The following MED13 variants were observed in gnomAD, a reference collection of about 807,000 sequenced individuals.
The protein encoded by MED13 is mediator complex subunit 13.
MED13 carries 23 observed loss-of-function variants against 225.2 expected under a neutral mutation model. The observed-to-expected ratio is 0.10, with a 90% CI of 0.07 to 0.14. MED13 has a LOEUF of 0.14. MED13 is among the 10% of genes least tolerant of loss of function. MED13 has a pLI of 1.00. For synonymous variants in MED13, 942 were observed against 889.2 expected (o/e 1.06, Z -1.06); for missense variants, 2,197 against 2,594.5 (o/e 0.85, Z 3.33).
At chr17:61,996,802 GTCAC>G (rs1240937559) in intron 9 of MED13, among the ~76,000 whole-genome samples, 3 of 152,072 alleles carry the variant, frequency 2.0e-5, no homozygotes, top group Admixed American at 6.6e-5. Flanking sequence ...ATAGTTGACT[GTCAC>G]TCACACTAGA....
chr17:61,956,485 T>A lies in MED13; in HGVS notation c.5481-4A>T. ...AGAACTTTTTTTCCGACGAGCCCTA[T>A]TGTGTGAATAAAGAGAGTGTCATAA... On this transcript the variant is annotated splice_region_variant and splice_polypyrimidine_tract_variant and intron_variant, in intron 23 of 29. Transcript: ENST00000397786. 2 of 1,599,814 alleles carry A rather than the reference T, an allele frequency of 1.3e-6. No individual in the cohort carries two copies. Among genetic ancestry groups the A allele is most frequent in the Non-Finnish European group, 1.7e-6 (2 of 1,176,404 alleles).
At position 62,034,060 on chromosome 17, in the gene MED13, C is replaced by G. The variant is rs530706045; in HGVS notation, c.617-76G>C. 252 of 1,269,886 alleles carry G rather than the reference C, an allele frequency of 2.0e-4. 2 individuals are homozygous for G. In the South Asian group the frequency reaches 3.0e-3, roughly 15 times the overall value. The allele number at this position is 1,269,886 out of a possible 1,614,324, so 78.7% of individuals were successfully genotyped here. A position where few individuals can be genotyped will look rare whatever the true frequency, so the allele number is the denominator to read the frequency against. ...AATAAGAACACAGTGAAAAATGTGGCAAATAATCGTGCAATTATAAAAAAG... is the reference window on the plus strand; with the variant it reads ...AATAAGAACACAGTGAAAAATGTGGGAAATAATCGTGCAATTATAAAAAAG... On this transcript the variant is annotated intron_variant, in intron 4 of 29. Coordinates refer to ENST00000397786, the MANE Select transcript of MED13 (RefSeq NM_005121.3).
intron 2 of MED13, among the ~76,000 whole-genome samples, chr17:62,058,659 AAAGT>A (rs555381948): frequency 9.7e-4 from 148 of 152,346 alleles, no homozygotes; most frequent in African/African-American, 3.4e-3. Flanking sequence ...GATAAAGCAA[AAAGT>A]AAGAAAATCA....
At chr17:62,058,961 A>T (rs1490051568) in intron 2 of MED13, among the ~76,000 whole-genome samples, 1 of 152,252 alleles carries the variant, frequency 6.6e-6, no homozygotes, top group East Asian at 1.9e-4. Flanking sequence ...AAGGTAACCC[A>T]AACAAATGCT....
intron 19 of MED13, among the ~76,000 whole-genome samples, chr17:61,966,227 T>A (rs186762798): frequency 3.3e-4 from 50 of 152,320 alleles, no homozygotes; most frequent in African/African-American, 1.1e-3. Context: ...GGATCCCTCA[T>A]TAGGGATCAG....
At chr17:61,973,036 A>G (rs1242916985) in intron 16 of MED13, 148 bp from the exon 17 acceptor site, 1 of 533,558 alleles carries the variant, frequency 1.9e-6, no homozygotes, top group Non-Finnish European at 3.1e-6. Context: ...AATTGCATTA[A>G]GTTCTACAAG....
At chr17:62,060,840 C>T (rs904632194) in intron 2 of MED13, among the ~76,000 whole-genome samples, 14 of 151,842 alleles carry the variant, frequency 9.2e-5, no homozygotes, top group African/African-American at 3.4e-4. Context: ...GCTGGAACTA[C>T]AGGTGCGTGC....
chr17:62,056,692 C>T (rs902182672), intron 2 of MED13, among the ~76,000 whole-genome samples: 10 of 151,916 alleles, frequency 6.6e-5, no homozygotes, highest in South Asian at 2.1e-4. Flanking sequence ...GTCCAGGAGT[C>T]GGAGGCTGCA....
intron 16 of MED13, among the ~76,000 whole-genome samples, chr17:61,977,737 C>G (rs767400604): frequency 1.3e-5 from 2 of 151,978 alleles, no homozygotes; most frequent in African/African-American, 4.8e-5. Flanking sequence ...CATGAGCCAC[C>G]GTGCCCGGCC....
chr17:61,944,620 G>A lies in MED13; in HGVS notation c.*1848C>T, dbSNP rs1375078113. ...ATACACAATCTGAAGAAGTTATGTT[G>A]TTCATAAGAAAGTGATATTTAATTC... On this transcript the variant is annotated 3_prime_UTR_variant, in exon 30 of 30. Coordinates refer to ENST00000397786, the MANE Select transcript of MED13 (RefSeq NM_005121.3). 1 of 151,828 alleles carries A rather than the reference G, an allele frequency of 6.6e-6. No individual in the cohort carries two copies. The highest frequency in any genetic ancestry group is 1.5e-5 in the Non-Finnish European group (1 of 67,960). 9.4% of individuals were successfully genotyped at this position (151,828 alleles called of 1,614,324 possible). A position where few individuals can be genotyped will look rare whatever the true frequency, so the allele number is the denominator to read the frequency against.
At chr17:62,050,896 T>C (rs1224763857) in intron 3 of MED13, among the ~76,000 whole-genome samples, 1 of 152,082 alleles carries the variant, frequency 6.6e-6, no homozygotes, top group Non-Finnish European at 1.5e-5. Flanking sequence ...TCCCAGCTAC[T>C]TGGGAGACTG....
chr17:61,984,483 A>G, intron 14 of MED13, 116 bp from the exon 15 acceptor site: 1 of 974,006 alleles, frequency 1.0e-6, no homozygotes, highest in South Asian at 2.0e-5. Context: ...ATCTAAATAC[A>G]ATTCTATTAT....
At chr17:62,025,038 G>A (rs1013650623) in intron 8 of MED13, among the ~76,000 whole-genome samples, 2 of 152,140 alleles carry the variant, frequency 1.3e-5, no homozygotes, top group Non-Finnish European at 2.9e-5. Context: ...ATTCCTCTGG[G>A]TATATATATC....
chr17:62,012,264 G>A (rs924330373), intron 8 of MED13, among the ~76,000 whole-genome samples: 10 of 150,502 alleles, frequency 6.6e-5, no homozygotes, highest in South Asian at 2.1e-4. Flanking sequence ...CTTTCAGTGC[G>A]CACTGAGATT....
At chr17:61,957,355 T>C (rs2079955505) in intron 23 of MED13, among the ~76,000 whole-genome samples, 1 of 148,182 alleles carries the variant, frequency 6.7e-6, no homozygotes, top group East Asian at 2.0e-4. Flanking sequence ...GTAAACTTTT[T>C]ATTTTTTTTT....
At chr17:62,038,980 T>G (rs1042616801) in intron 3 of MED13, among the ~76,000 whole-genome samples, 2 of 152,136 alleles carry the variant, frequency 1.3e-5, no homozygotes, top group Admixed American at 1.3e-4. Flanking sequence ...CTGGCCCCAT[T>G]TTATCTGTTA....
intron 16 of MED13, among the ~76,000 whole-genome samples, chr17:61,975,360 A>C (rs1367068785): frequency 7.9e-5 from 12 of 152,226 alleles, no homozygotes; most frequent in Admixed American, 7.9e-4. Context: ...ACAATCTTCA[A>C]CATTATTAGT....
intron 9 of MED13, among the ~76,000 whole-genome samples, chr17:62,000,530 AG>A (rs779583986): frequency 5.3e-5 from 8 of 152,300 alleles, no homozygotes; most frequent in Admixed American, 1.3e-4. Flanking sequence ...CTCTCCTTCA[AG>A]ATAACAAGTA....
At chr17:62,042,466 G>A (rs2143717900) in intron 3 of MED13, among the ~76,000 whole-genome samples, 1 of 150,176 alleles carries the variant, frequency 6.7e-6, no homozygotes, top group South Asian at 2.1e-4. Flanking sequence ...GGAGGCTGAG[G>A]CAGGAGAATC....
Sources: gnomAD v4.1 joint callset for allele counts (sites outside exome capture counted in the v4.1 genomes callset) on GRCh38, gnomAD v4.1.1 for gene constraint, MANE v1.5 for transcripts, NCBI Gene and HGNC (gene_info 2026-07-23, HGNC 2026-07-21) for gene names.